Variants in IL1RAPL2 observed in about 807,000 individuals in gnomAD.
IL1RAPL2 encodes X-linked interleukin-1 receptor accessory protein-like 2.
IL1RAPL2 carries 3 observed loss-of-function variants against 44.1 expected under a neutral mutation model. The observed-to-expected ratio is 0.07, with a 90% CI of 0.03 to 0.18. The LOEUF is 0.18. Among genes scored for constraint, IL1RAPL2 ranks in the 10% least tolerant of loss-of-function variants. IL1RAPL2 has a pLI of 1.00. For missense variants in IL1RAPL2, 391 were observed against 496.4 expected, an observed-to-expected ratio of 0.79 and a Z score of 2.02; for synonymous variants, 181 against 178.8, an observed-to-expected ratio of 1.01 and a Z score of -0.10.
chrX:105,470,260 A>G (rs2036157535), intron 5 of IL1RAPL2, among the ~76,000 whole-genome samples: 1 of 111,837 alleles, frequency 8.9e-6, no homozygotes, highest in Admixed American at 9.5e-5. Context: ...CATATTAACT[A>G]TAAAACTACA....
chrX:105,081,746 C>G (rs1181313531), intron 2 of IL1RAPL2, among the ~76,000 whole-genome samples: 1 of 111,638 alleles, frequency 9.0e-6, no homozygotes, highest in African/African-American at 3.3e-5. Context: ...TGGTTTTTGT[C>G]ATTGGTTCTG....
intron 3 of IL1RAPL2, among the ~76,000 whole-genome samples, chrX:105,229,887 T>A (rs1476758940): frequency 2.7e-5 from 3 of 112,024 alleles, no homozygotes; most frequent in Non-Finnish European, 3.8e-5. Flanking sequence ...AACCTCTGCC[T>A]CCTGGGTTCA....
intron 5 of IL1RAPL2, among the ~76,000 whole-genome samples, chrX:105,311,549 T>C (rs2034796521): frequency 1.8e-5 from 2 of 108,452 alleles, no homozygotes; most frequent in Admixed American, 2.0e-4. Context: ...ATGGAAACTT[T>C]GCTTTGCAAC....
At chrX:104,723,987 A>G (rs535846241) in intron 2 of IL1RAPL2, among the ~76,000 whole-genome samples, 2 of 111,861 alleles carry the variant, frequency 1.8e-5, no homozygotes, top group South Asian at 7.4e-4. Flanking sequence ...AACAAACAAT[A>G]GAATTATATC....
chrX:105,439,234 TG>T (rs2035902019), intron 5 of IL1RAPL2, among the ~76,000 whole-genome samples: 1 of 111,597 alleles, frequency 9.0e-6, no homozygotes, highest in African/African-American at 3.3e-5. Flanking sequence ...TGTTGCCATT[TG>T]TGAGCTTGAA....
At chrX:105,517,452 T>C (rs2036522831) in intron 6 of IL1RAPL2, among the ~76,000 whole-genome samples, 1 of 111,459 alleles carries the variant, frequency 9.0e-6, no homozygotes, top group African/African-American at 3.3e-5. Flanking sequence ...TACTACTCTT[T>C]TCAGGCATTT....
At chrX:105,257,909 A>G (rs755341105) in intron 4 of IL1RAPL2, among the ~76,000 whole-genome samples, 135 of 111,471 alleles carry the variant, frequency 1.2e-3, no homozygotes, top group Non-Finnish European at 2.0e-3. Flanking sequence ...CTTTTAAGTA[A>G]GGCATTTAGC....
rs1928032996 is a variant in IL1RAPL2, at chrX:104,566,466, G to C, written c.-605G>C. On this transcript the variant is annotated 5_prime_UTR_variant, in exon 1 of 11. Transcript: ENST00000372582. Reference sequence around the variant, plus strand: ...AGGTGGACAGGCAGAGTCTGCACCTGCCGCCTGCACCTCCGTTAGGGCGAC... The same window carrying C: ...AGGTGGACAGGCAGAGTCTGCACCTCCCGCCTGCACCTCCGTTAGGGCGAC... 1 of 112,944 alleles carries C rather than the reference G, an allele frequency of 8.9e-6. No individual in the cohort carries two copies. The highest frequency in any genetic ancestry group is 1.9e-5 in the Non-Finnish European group (1 of 53,404). The allele number at this position is 112,944 out of a possible 1,213,427, so 9.3% of individuals were successfully genotyped here.
chrX:104,575,229 A>G (rs749932976), intron 1 of IL1RAPL2, among the ~76,000 whole-genome samples: 1 of 111,630 alleles, frequency 9.0e-6, no homozygotes, highest in South Asian at 3.7e-4. Flanking sequence ...TTTTACATAA[A>G]CATAGAAAAT....
intron 6 of IL1RAPL2, among the ~76,000 whole-genome samples, chrX:105,636,202 G>C (rs951574298): frequency 7.2e-5 from 8 of 110,734 alleles, no homozygotes; most frequent in African/African-American, 2.3e-4. Context: ...AAAGAAGAAA[G>C]ACATTTATTA....
chrX:105,640,224 T>A (rs1285148130), intron 6 of IL1RAPL2, among the ~76,000 whole-genome samples: 1 of 110,342 alleles, frequency 9.1e-6, no homozygotes. Flanking sequence ...TTAGAGACAA[T>A]TCACTTGAAA....
intron 2 of IL1RAPL2, among the ~76,000 whole-genome samples, chrX:104,869,213 TTTA>T (rs1323641021): frequency 1.8e-5 from 2 of 111,252 alleles, no homozygotes; most frequent in East Asian, 2.8e-4. Flanking sequence ...TTTTTTATTT[TTTA>T]TTATTTTAAT....
intron 2 of IL1RAPL2, among the ~76,000 whole-genome samples, chrX:105,115,006 C>T: frequency 8.9e-6 from 1 of 111,929 alleles, no homozygotes; most frequent in East Asian, 2.8e-4. Context: ...TCCAGCATTA[C>T]TCATTAGCCA....
intron 2 of IL1RAPL2, among the ~76,000 whole-genome samples, chrX:104,877,313 C>T (rs1007417270): frequency 1.2e-4 from 13 of 110,905 alleles, no homozygotes; most frequent in Non-Finnish European, 1.7e-4. Flanking sequence ...ACACTGACTT[C>T]CACAATGGTT....
intron 2 of IL1RAPL2, among the ~76,000 whole-genome samples, chrX:104,699,710 G>A (rs1569299296): frequency 9.0e-6 from 1 of 111,375 alleles, no homozygotes; most frequent in Admixed American, 9.6e-5. Flanking sequence ...AAATAAAGTC[G>A]AATTGGAACA....
chrX:105,304,071 A>G (rs745982968), intron 5 of IL1RAPL2, among the ~76,000 whole-genome samples: 35 of 113,133 alleles, frequency 3.1e-4, no homozygotes, highest in Admixed American at 4.6e-4. Context: ...CCTCTGGGCC[A>G]CAGAAATGGG....
At chrX:104,963,684 A>G (rs926106659) in intron 2 of IL1RAPL2, among the ~76,000 whole-genome samples, 14 of 111,214 alleles carry the variant, frequency 1.3e-4, no homozygotes, top group African/African-American at 4.3e-4. Flanking sequence ...TGGAATACCA[A>G]TTGGGTCAGA....
chrX:105,066,904 T>A (rs1408318418), intron 2 of IL1RAPL2, among the ~76,000 whole-genome samples: 1 of 111,232 alleles, frequency 9.0e-6, no homozygotes, highest in Non-Finnish European at 1.9e-5. Context: ...CCCCATCTCT[T>A]TAAATATGGC....
chrX:104,752,068 G>A (rs759521027), intron 2 of IL1RAPL2, among the ~76,000 whole-genome samples: 3 of 111,007 alleles, frequency 2.7e-5, no homozygotes, highest in Non-Finnish European at 5.7e-5. Flanking sequence ...CCTGAATAAT[G>A]TAAGTTAGCT....
Sources: gnomAD v4.1 joint callset for allele counts (sites outside exome capture counted in the v4.1 genomes callset) on GRCh38, gnomAD v4.1.1 for gene constraint, MANE v1.5 for transcripts, NCBI Gene and HGNC (gene_info 2026-07-23, HGNC 2026-07-21) for gene names.